The following PACSIN2 variants were observed in gnomAD, a reference collection of about 807,000 sequenced individuals.
PACSIN2 encodes the protein protein kinase C and casein kinase substrate in neurons protein 2.
A neutral mutation model predicts 63.8 loss-of-function variants in PACSIN2; 25 were observed. The ratio of observed to expected loss-of-function variants is 0.39; its 90% CI spans 0.29 to 0.55. PACSIN2 has a LOEUF of 0.55. Among genes scored for constraint, PACSIN2 ranks in the 20% least tolerant of loss-of-function variants. The pLI, the probability that PACSIN2 is intolerant of heterozygous loss-of-function variation, is 0.62. For synonymous variants in PACSIN2, 255 were observed against 256.2 expected, an observed-to-expected ratio of 1.00 and a Z score of 0.05; for missense variants, 518 against 646.9, an observed-to-expected ratio of 0.80 and a Z score of 2.16.
At chr22:42,886,566 A>G (rs565885910) in intron 5 of PACSIN2, among the ~76,000 whole-genome samples, 1 of 152,246 alleles carries the variant, frequency 6.6e-6, no homozygotes, top group South Asian at 2.1e-4. Context: ...CCTGGGCTCA[A>G]GCAATCCTCC....
At chr22:42,918,045 T>C (rs536895646) in intron 1 of PACSIN2, among the ~76,000 whole-genome samples, 1 of 152,344 alleles carries the variant, frequency 6.6e-6, no homozygotes, top group East Asian at 1.9e-4. Context: ...CCTGGCAGAA[T>C]CGTGGTGAGG....
chr22:42,964,182 C>A lies in PACSIN2; in HGVS notation c.-78+50839G>T, dbSNP rs142494930. On this transcript the variant is annotated intron_variant, in intron 1 of 10. Coordinates refer to ENST00000263246, the MANE Select transcript of PACSIN2 (RefSeq NM_001184970.3). Reference sequence around the variant, plus strand: ...CCTGTAATCCCAGTACTTTGTGGGGCCAAGGTGCGCAGATCACTTGAGGTC... The same window carrying A: ...CCTGTAATCCCAGTACTTTGTGGGGACAAGGTGCGCAGATCACTTGAGGTC... 6.7e-4 allele frequency among the ~76,000 whole-genome samples: 102 copies of A among 152,348 alleles called. 1 individual carries two copies. The East Asian group carries it at 0.018, about 27-fold the overall frequency.
At chr22:42,933,238 T>C (rs1932819452) in intron 1 of PACSIN2, among the ~76,000 whole-genome samples, 2 of 152,226 alleles carry the variant, frequency 1.3e-5, no homozygotes, top group Admixed American at 1.3e-4. Context: ...CCTCCCCAAC[T>C]TTCCTTAAAT....
intron 8 of PACSIN2, among the ~76,000 whole-genome samples, chr22:42,878,640 G>T (rs557315441): frequency 6.6e-6 from 1 of 152,318 alleles, no homozygotes; most frequent in South Asian, 2.1e-4. Flanking sequence ...ACAATACAGA[G>T]TGAGCATGAA....
chr22:42,875,462 T>A (rs779548347), intron 10 of PACSIN2, among the ~76,000 whole-genome samples: 1 of 152,144 alleles, frequency 6.6e-6, no homozygotes, highest in South Asian at 2.1e-4. Flanking sequence ...CTCAATCTAC[T>A]GGGCTCAGGT....
At chr22:43,012,130 C>A (rs553576900) in intron 1 of PACSIN2, among the ~76,000 whole-genome samples, 2 of 150,396 alleles carry the variant, frequency 1.3e-5, no homozygotes, top group Non-Finnish European at 3.0e-5. Context: ...GGCGACAGAG[C>A]GAGACTCTGT....
intron 1 of PACSIN2, among the ~76,000 whole-genome samples, chr22:42,934,980 A>G (rs951748901): frequency 3.3e-5 from 5 of 151,656 alleles, no homozygotes; most frequent in African/African-American, 1.2e-4. Flanking sequence ...CAGTGGCGCA[A>G]TCTCGGCTCA....
chr22:42,906,565 A>C (rs1433315521), intron 2 of PACSIN2, among the ~76,000 whole-genome samples: 3 of 152,174 alleles, frequency 2.0e-5, no homozygotes, highest in Non-Finnish European at 4.4e-5. Context: ...GGAAATGTCC[A>C]CTATAGCTCA....
At chr22:42,986,499 C>T (rs932907437) in intron 1 of PACSIN2, among the ~76,000 whole-genome samples, 1 of 152,200 alleles carries the variant, frequency 6.6e-6, no homozygotes, top group East Asian at 1.9e-4. Context: ...ATCTCACCAC[C>T]CGCCACTTCA....
chr22:43,001,483 T>G (rs1923763321), intron 1 of PACSIN2, among the ~76,000 whole-genome samples: 1 of 152,244 alleles, frequency 6.6e-6, no homozygotes, highest in Non-Finnish European at 1.5e-5. Flanking sequence ...AATTTTGTTT[T>G]ACTGACAGAA....
At chr22:42,962,779 G>GGGCT in intron 1 of PACSIN2, among the ~76,000 whole-genome samples, 1 of 62,200 alleles carries the variant, frequency 1.6e-5, no homozygotes, top group Non-Finnish European at 4.5e-5. Context: ...TGTGGGCGGG[G>GGGCT]GGGGGGGGCG....
chr22:43,006,251 G>A (rs1463134608), intron 1 of PACSIN2, among the ~76,000 whole-genome samples: 1 of 152,208 alleles, frequency 6.6e-6, no homozygotes, highest in East Asian at 1.9e-4. Context: ...AGAACTGTAA[G>A]AAGGAAATTT....
At chr22:43,011,818 C>T (rs1924505979) in intron 1 of PACSIN2, among the ~76,000 whole-genome samples, 1 of 151,858 alleles carries the variant, frequency 6.6e-6, no homozygotes, top group Admixed American at 6.6e-5. Context: ...TCCAGATCAG[C>T]CTGGCCAACA....
intron 1 of PACSIN2, among the ~76,000 whole-genome samples, chr22:42,932,949 G>A (rs1196143965): frequency 6.6e-6 from 1 of 152,160 alleles, no homozygotes; most frequent in Middle Eastern, 3.2e-3. Flanking sequence ...TGAATCAGAG[G>A]AACCAACTGT....
intron 1 of PACSIN2, among the ~76,000 whole-genome samples, chr22:42,980,144 G>C (rs1921982990): frequency 6.6e-6 from 1 of 151,748 alleles, no homozygotes; most frequent in Non-Finnish European, 1.5e-5. Context: ...TAGAGTATTG[G>C]GTGAAAATTT....
chr22:42,925,564 G>A lies in PACSIN2; in HGVS notation c.-77-13407C>T, dbSNP rs534723050. 4.6e-5 allele frequency among the ~76,000 whole-genome samples: 7 copies of A among 152,190 alleles called. No individual in the cohort carries two copies. In the East Asian group the frequency reaches 1.4e-3, roughly 29 times the overall value. ...CACTGCTACAGCCCCAGCATCCAGT[G>A]TCAAACACAAAGCAGTTGCTTTGTA... On this transcript the variant is annotated intron_variant, in intron 1 of 10. Transcript: ENST00000263246.
chr22:42,923,307 G>A (rs1932315271), intron 1 of PACSIN2, among the ~76,000 whole-genome samples: 1 of 152,214 alleles, frequency 6.6e-6, no homozygotes, highest in Non-Finnish European at 1.5e-5. Context: ...ATGCAAGGCA[G>A]ACCACATTGC....
At chr22:42,999,274 C>T (rs568554383) in intron 1 of PACSIN2, among the ~76,000 whole-genome samples, 1 of 152,324 alleles carries the variant, frequency 6.6e-6, no homozygotes, top group Admixed American at 6.5e-5. Flanking sequence ...CCAGCCACAC[C>T]CCTGTCCCAA....
intron 1 of PACSIN2, among the ~76,000 whole-genome samples, chr22:42,966,085 T>C (rs1277317674): frequency 6.6e-6 from 1 of 152,162 alleles, no homozygotes; most frequent in African/African-American, 2.4e-5. Flanking sequence ...AATAGAGCCA[T>C]CTTGGGCTGG....
Sources: allele counts gnomAD v4.1 joint callset (sites outside exome capture counted in the v4.1 genomes callset), GRCh38; gene constraint gnomAD v4.1.1; transcripts MANE v1.5; gene names NCBI Gene and HGNC (gene_info 2026-07-23, HGNC 2026-07-21).